MAP3K9: variants seen among roughly 807,000 people sequenced by gnomAD.
MAP3K9 encodes the protein mitogen-activated protein kinase kinase kinase 9.
A neutral mutation model predicts 95.8 loss-of-function variants in MAP3K9; 46 were observed. That is an observed-to-expected ratio of 0.48 (90% CI 0.38 to 0.61). The LOEUF is 0.61. Among genes scored for constraint, MAP3K9 ranks in the 20% least tolerant of loss-of-function variants. MAP3K9 has a pLI of 0.00. For missense variants in MAP3K9, 1,296 were observed against 1,474.3 expected (o/e 0.88, Z 1.98); for synonymous variants, 533 against 593.8 (o/e 0.90, Z 1.49).
chr14:70,737,025 A>G (rs2053994968), intron 8 of MAP3K9, among the ~76,000 whole-genome samples: 2 of 152,206 alleles, frequency 1.3e-5, no homozygotes, highest in African/African-American at 4.8e-5. Context: ...GGGCACTTGT[A>G]AGCCTAATAT....
At chr14:70,762,246 G>A (rs1011363028) in intron 2 of MAP3K9, among the ~76,000 whole-genome samples, 5 of 152,134 alleles carry the variant, frequency 3.3e-5, no homozygotes, top group African/African-American at 9.7e-5. Flanking sequence ...CATTTGGGGG[G>A]TACAGATCTA....
intron 2 of MAP3K9, among the ~76,000 whole-genome samples, chr14:70,787,728 A>G (rs1470213064): frequency 1.3e-5 from 2 of 152,178 alleles, no homozygotes; most frequent in Non-Finnish European, 2.9e-5. Flanking sequence ...AAATAGATAT[A>G]TAAAAGCAAA....
At chr14:70,785,732 C>T (rs1232956155) in intron 2 of MAP3K9, among the ~76,000 whole-genome samples, 1 of 152,078 alleles carries the variant, frequency 6.6e-6, no homozygotes, top group Non-Finnish European at 1.5e-5. Context: ...ATGTGGATGA[C>T]TAATGGGCAG....
At chr14:70,807,889 C>T (rs1409400472) in intron 1 of MAP3K9, among the ~76,000 whole-genome samples, 1 of 152,132 alleles carries the variant, frequency 6.6e-6, no homozygotes, top group African/African-American at 2.4e-5. Flanking sequence ...TGACGGAAAC[C>T]AGGACACTGG....
In MAP3K9 at chr14:70,732,710, G is replaced by A. The variant is rs760285196; in HGVS notation, c.2659C>T (p.Arg887Cys). Residue 887 changes from arginine (R) to cysteine (C), a missense_variant, in exon 11 of 12, where the codon CGC (arginine) becomes TGC (cysteine). Physicochemically the swap from Arg to Cys is radical, Grantham distance 180. Coordinates refer to ENST00000554752, the MANE Select transcript of MAP3K9 (RefSeq NM_001284230.2). ...HNPLVNVRVE[R>C]FKRDPNQSLT... ...GATTGGTTAGGATCTCGTTTGAAGC[G>A]CTCTACTCGGACATTGACCAGGGGG... 1.2e-5 allele frequency: 20 copies of A among 1,601,548 alleles called. No individual in the cohort carries two copies. Among genetic ancestry groups the A allele is most frequent in the Admixed American group, 1.7e-5 (1 of 59,380 alleles).
chr14:70,731,953 T>G (rs8008415), intron 11 of MAP3K9, among the ~76,000 whole-genome samples: 2,546 of 151,594 alleles, frequency 0.017, 80 homozygotes, highest in African/African-American at 0.058. Flanking sequence ...AGGTGTCAGA[T>G]GTCGAGGGCA....
At position 70,809,194 on chromosome 14, in the gene MAP3K9, C is replaced by T; in HGVS notation, c.-23G>A. On this transcript the variant is annotated 5_prime_UTR_variant, in exon 1 of 12. Coordinates refer to ENST00000554752, the MANE Select transcript of MAP3K9 (RefSeq NM_001284230.2). ...CATGGAGCGGCCGATCCATAGGGTG[C>T]GGGGCCGCCGCCGCCCGCAGGAGCC... is the stretch of plus-strand genomic sequence containing the variant. 1 of 1,295,742 alleles carries T rather than the reference C, an allele frequency of 7.7e-7. No homozygotes were observed. Among genetic ancestry groups the T allele is most frequent in the Non-Finnish European group, 9.7e-7 (1 of 1,028,220 alleles). 80.3% of individuals were successfully genotyped at this position (1,295,742 alleles called of 1,614,324 possible). A position where few individuals can be genotyped will look rare whatever the true frequency, so the allele number is the denominator to read the frequency against.
At chr14:70,752,386 G>T (rs1288359995) in intron 3 of MAP3K9, among the ~76,000 whole-genome samples, 1 of 152,204 alleles carries the variant, frequency 6.6e-6, no homozygotes, top group African/African-American at 2.4e-5. Context: ...GAGTGAGTGG[G>T]TCTGTGGGTA....
intron 7 of MAP3K9, among the ~76,000 whole-genome samples, chr14:70,739,702 CAA>C (rs879621566): frequency 2.0e-5 from 3 of 152,174 alleles, no homozygotes; most frequent in African/African-American, 4.8e-5. Flanking sequence ...CCAAATATGG[CAA>C]AGAGTGTGTT....
intron 2 of MAP3K9, among the ~76,000 whole-genome samples, chr14:70,797,829 T>C (rs2054881984): frequency 6.6e-6 from 1 of 152,172 alleles, no homozygotes; most frequent in Non-Finnish European, 1.5e-5. Context: ...ATTAGACGTA[T>C]ACAATCCTTG....
intron 8 of MAP3K9, 79 bp from the exon 9 acceptor site, chr14:70,736,108 G>T: frequency 1.1e-6 from 1 of 925,986 alleles, no homozygotes; most frequent in Non-Finnish European, 1.8e-6. Context: ...AAACACCCAA[G>T]GCTGGATTCA....
At chr14:70,760,669 G>A (rs546560463) in intron 3 of MAP3K9, among the ~76,000 whole-genome samples, 23 of 152,108 alleles carry the variant, frequency 1.5e-4, no homozygotes, top group Non-Finnish European at 2.6e-4. Context: ...TGATCCTCAC[G>A]AAGCTCTCCG....
chr14:70,749,734 C>A, intron 4 of MAP3K9, 199 bp downstream of exon 4: 1 of 574,720 alleles, frequency 1.7e-6, no homozygotes, highest in South Asian at 2.6e-5. Context: ...TTCTACAGTC[C>A]CTGGAGATAT....
chr14:70,794,659 C>A lies in MAP3K9; in HGVS notation c.820+6008G>T, dbSNP rs528893717. ...CACAGTGTTTTTACCCCTGTTTTTCCGTTTTCTTTTTCTTTTCTTTTTTCT... is the reference window on the plus strand; with the variant it reads ...CACAGTGTTTTTACCCCTGTTTTTCAGTTTTCTTTTTCTTTTCTTTTTTCT... On this transcript the variant is annotated intron_variant, in intron 2 of 11. Transcript: ENST00000554752. Among the ~76,000 whole-genome samples, 13 of 151,028 alleles carry A rather than the reference C, an allele frequency of 8.6e-5. No individual in the cohort carries two copies. In the South Asian group the frequency reaches 2.7e-3, roughly 32 times the overall value.
rs776076865 is a variant in MAP3K9, at chr14:70,742,300, C to T, written c.1567+51G>A. 4 of 1,587,682 alleles carry T rather than the reference C, an allele frequency of 2.5e-6. No homozygotes were observed. The Admixed American group carries it at 5.1e-5, about 20-fold the overall frequency. On this transcript the variant is annotated intron_variant, in intron 6 of 11. Transcript: ENST00000554752. The stretch of plus-strand genomic sequence containing the variant: ...CCGGACTCCCTCAAACCCTCTGCCA[C>T]ACGAGTTCTTTGCCCTGCTCCCACT...
rs2053882095 is a variant in MAP3K9, at chr14:70,730,513, G to A, written c.3182C>T (p.Pro1061Leu). The change falls in exon 12 of 12, where the codon CCC becomes CTC. Residue 1061 changes from proline (P) to leucine (L), a missense_variant. Pro to Leu is a moderately conservative substitution (Grantham distance 98, BLOSUM62 -3). This residue lies in a region of MAP3K9 where 433 missense variants were observed against 441.4 expected (regional missense o/e 0.98). Transcript: ENST00000554752. Reference sequence around the variant, plus strand: ...GTCCAGGAGCGTCCGCTCAGTCGGGGGCAGCGGCCCTGCCTGGAACGGGAG... The same window carrying A: ...GTCCAGGAGCGTCCGCTCAGTCGGGAGCAGCGGCCCTGCCTGGAACGGGAG... The part of the protein sequence containing the change: ...ALLPFQAGPL[P>L]PTERTLLDLD... 6.2e-7 allele frequency: 1 copy of A among 1,613,878 alleles called. No individual in the cohort carries two copies. Among genetic ancestry groups the A allele is most frequent in the Non-Finnish European group, 8.5e-7 (1 of 1,180,036 alleles).
intron 3 of MAP3K9, among the ~76,000 whole-genome samples, chr14:70,753,222 A>G (rs78382403): frequency 2.9e-4 from 44 of 152,278 alleles, no homozygotes; most frequent in African/African-American, 1.1e-3. Context: ...TCATCCAGAA[A>G]TTACCATCTA....
rs772500475 is a variant in MAP3K9 at position 70,742,404 on chromosome 14, A to T, written c.1514T>A (p.Phe505Tyr). 6.2e-7 allele frequency: 1 copy of T among 1,614,120 alleles called. No homozygotes were observed. Among genetic ancestry groups the T allele is most frequent in the Admixed American group, 1.7e-5 (1 of 60,004 alleles). Residue 505 changes from phenylalanine to tyrosine, a missense_variant, in exon 6 of 12, where the codon TTC (phenylalanine) becomes TAC (tyrosine). By Grantham distance (22) the Phe-to-Tyr change is conservative (BLOSUM62 3). Transcript: ENST00000554752. ...KPRVKKRKGK[F>Y]RKSRLKLKDG... ...CTTGAGCTTCAGCCGGCTCTTCCTG[A>T]ACTTGCCCTTGCGTTTCTTCACCCG...
rs150246543 is a variant in MAP3K9 at position 70,766,008 on chromosome 14, T to C, written c.821-4826A>G. Among the ~76,000 whole-genome samples, 1,493 of 151,998 alleles carry C rather than the reference T, an allele frequency of 9.8e-3. 10 individuals are homozygous for C. Among genetic ancestry groups the C allele is most frequent in the African/African-American group, 0.027 (1,122 of 41,430 alleles). ...AGGCAGTGGAACAGAAAGGAAAAGA[T>C]ACATTGGAACTAAAGACCCAGTGAT... On this transcript the variant is annotated intron_variant, in intron 2 of 11. Transcript: ENST00000554752.
Sources: gnomAD v4.1 joint callset for allele counts (sites outside exome capture counted in the v4.1 genomes callset) on GRCh38, gnomAD v4.1.1 for gene constraint, gnomAD v4.1.1 regional missense constraint, MANE v1.5 for transcripts, NCBI Gene and HGNC (gene_info 2026-07-23, HGNC 2026-07-21) for gene names.